The following THSD4 variants were observed in gnomAD, a reference collection of about 807,000 sequenced individuals.
THSD4 encodes thrombospondin type-1 domain-containing protein 4.
A neutral mutation model predicts 119.0 loss-of-function variants in THSD4; 69 were observed. The ratio of observed to expected loss-of-function variants is 0.58; its 90% CI spans 0.48 to 0.71. The LOEUF (loss-of-function observed/expected upper bound fraction) is 0.71. Among genes scored for constraint, THSD4 ranks in the 30% least tolerant of loss-of-function variants. THSD4 has a pLI of 0.00. For synonymous variants in THSD4, 524 were observed against 540.4 expected (o/e 0.97, Z 0.42); for missense variants, 1,393 against 1,391.1 (o/e 1.00, Z -0.02).
At chr15:71,291,869 C>T (rs1596318102) in intron 6 of THSD4, among the ~76,000 whole-genome samples, 1 of 152,136 alleles carries the variant, frequency 6.6e-6, no homozygotes, top group African/African-American at 2.4e-5. Flanking sequence ...TTCCACCCTC[C>T]TACTCCAGTC....
At position 71,757,993 on chromosome 15, in the gene THSD4, A is replaced by G; in HGVS notation, c.2507A>G (p.Asn836Ser). ...AGCCTGCCCCTGGAGGGCTGTGGGA[A>G]CAACCGGCCGGCAGAGGCCACCCCA... is the stretch of plus-strand genomic sequence containing the variant. ...VSSLPLEGCG[N>S]NRPAEATPCD... Residue 836 changes from asparagine to serine, a missense_variant, in exon 15 of 18, where the codon AAC becomes AGC. Coordinates refer to ENST00000261862, the MANE Select transcript of THSD4 (RefSeq NM_024817.3). 6.2e-7 allele frequency: 1 copy of G among 1,614,060 alleles called. No individual in the cohort carries two copies. Among genetic ancestry groups the G allele is most frequent in the South Asian group, 1.1e-5 (1 of 91,048 alleles).
intron 6 of THSD4, among the ~76,000 whole-genome samples, chr15:71,369,292 G>A (rs1244296156): frequency 6.6e-6 from 1 of 152,064 alleles, no homozygotes; most frequent in African/African-American, 2.4e-5. Flanking sequence ...CTGCCTGATT[G>A]CCCTGGCCAG....
chr15:71,632,089 G>C (rs549178937), intron 7 of THSD4, among the ~76,000 whole-genome samples: 1 of 152,346 alleles, frequency 6.6e-6, no homozygotes, highest in South Asian at 2.1e-4. Flanking sequence ...GGCAGAAAAA[G>C]TGAATGAGAT....
At chr15:71,147,553 G>C (rs2040674913) in intron 2 of THSD4, 1 of 152,052 alleles carries the variant, frequency 6.6e-6, no homozygotes, top group African/African-American at 2.4e-5. Flanking sequence ...TATTAGTCTT[G>C]AGGATGGGTC....
chr15:71,780,967 A>G lies in THSD4; in HGVS notation c.*3593A>G, dbSNP rs1193181886. 1 of 351,544 alleles carries G rather than the reference A, an allele frequency of 2.8e-6. No individual in the cohort carries two copies. The highest frequency in any genetic ancestry group is 3.7e-5 in the Admixed American group (1 of 26,818). 21.8% of individuals were successfully genotyped at this position (351,544 alleles called of 1,614,324 possible). On this transcript the variant is annotated 3_prime_UTR_variant, in exon 18 of 18. Coordinates refer to ENST00000261862, the MANE Select transcript of THSD4 (RefSeq NM_024817.3). Reference sequence around the variant, plus strand: ...TTGTGGGTTTTCTTTTCATTCGGATAGCCACTTTATAGTTGGAATATCAAT... The same window carrying G: ...TTGTGGGTTTTCTTTTCATTCGGATGGCCACTTTATAGTTGGAATATCAAT...
chr15:71,618,699 G>C (rs1008288740), intron 7 of THSD4, among the ~76,000 whole-genome samples: 3 of 150,780 alleles, frequency 2.0e-5, no homozygotes, highest in African/African-American at 7.3e-5. Context: ...GCAGCCTCCT[G>C]AGTAGCTGGG....
intron 7 of THSD4, among the ~76,000 whole-genome samples, chr15:71,437,182 T>G (rs2047024230): frequency 6.6e-6 from 1 of 152,154 alleles, no homozygotes; most frequent in Admixed American, 6.5e-5. Flanking sequence ...GGGGAGACTC[T>G]TTTAAGCAAT....
chr15:71,758,466 C>A (rs755299668), intron 15 of THSD4, among the ~76,000 whole-genome samples: 25 of 152,184 alleles, frequency 1.6e-4, no homozygotes, highest in Non-Finnish European at 3.5e-4. Flanking sequence ...TAAATGGTGG[C>A]TGCTGCTATT....
chr15:71,277,068 C>G (rs1163750215), intron 6 of THSD4, among the ~76,000 whole-genome samples: 1 of 151,296 alleles, frequency 6.6e-6, no homozygotes, highest in Non-Finnish European at 1.5e-5. Context: ...GAGGCCGTAT[C>G]CACTGCAGAA....
rs528387349 is a variant in THSD4 at position 71,580,801 on chromosome 15, G to A, written c.1153-79729G>A. 7.9e-5 allele frequency among the ~76,000 whole-genome samples: 12 copies of A among 152,162 alleles called. 1 individual carries two copies. The highest frequency in any genetic ancestry group is 2.9e-4 in the African/African-American group (12 of 41,526). On this transcript the variant is annotated intron_variant, in intron 7 of 17. Transcript: ENST00000261862. The stretch of plus-strand genomic sequence containing the variant: ...CATAATGTACTCCAGGTTCATTCAT[G>A]TTATTGCAAATGGCAGGATTTTCTT...
intron 7 of THSD4, among the ~76,000 whole-genome samples, chr15:71,638,012 C>T (rs1266757886): frequency 2.6e-5 from 4 of 152,178 alleles, no homozygotes; most frequent in Admixed American, 1.3e-4. Context: ...CAGGTGTGAG[C>T]CGCTGTGCCC....
In THSD4 at chr15:71,609,768, C is replaced by T. The variant is rs367915286; in HGVS notation, c.1153-50762C>T. On this transcript the variant is annotated intron_variant, in intron 7 of 17. Transcript: ENST00000261862. ...TCGGGAGGCTGAGGCAGGAGAATGG[C>T]GTGAACCCAGGAGGCAGAGCTTGCA... Among the ~76,000 whole-genome samples the T allele has an allele frequency of 1.8e-3, 268 of 148,280 alleles. 3 individuals are homozygous for T. The highest frequency in any genetic ancestry group is 6.0e-3 in the African/African-American group (243 of 40,440).
intron 4 of THSD4, among the ~76,000 whole-genome samples, chr15:71,236,610 C>A (rs2044107706): frequency 6.6e-6 from 1 of 152,306 alleles, no homozygotes; most frequent in Non-Finnish European, 1.5e-5. Flanking sequence ...GGAGATTTTT[C>A]TCCCTTTGGC....
rs550194822 is a variant in THSD4, at chr15:71,181,086, C to T, written c.99+26154C>T. Among the ~76,000 whole-genome samples the T allele has an allele frequency of 2.6e-4, 40 of 152,244 alleles. No homozygotes were observed. The South Asian group carries it at 4.4e-3, about 17-fold the overall frequency. On this transcript the variant is annotated intron_variant, in intron 3 of 17. Transcript: ENST00000261862. ...ATGCTCTTTAAAGAATAGCACAGGG[C>T]GTGCACTCATTTGAGGGTGTCCAGC...
At chr15:71,357,508 T>G (rs1002281807) in intron 6 of THSD4, among the ~76,000 whole-genome samples, 1 of 152,166 alleles carries the variant, frequency 6.6e-6, no homozygotes, top group African/African-American at 2.4e-5. Context: ...CCAAGAGCCA[T>G]GGGTGCGGCT....
At chr15:71,637,471 G>A (rs766771304) in intron 7 of THSD4, among the ~76,000 whole-genome samples, 2 of 152,174 alleles carry the variant, frequency 1.3e-5, no homozygotes, top group South Asian at 4.1e-4. Flanking sequence ...TAGCTCAAGA[G>A]ATGAGGGATG....
At chr15:71,473,571 T>A (rs1362624319) in intron 7 of THSD4, among the ~76,000 whole-genome samples, 1 of 152,138 alleles carries the variant, frequency 6.6e-6, no homozygotes, top group Admixed American at 6.5e-5. Flanking sequence ...CCTAACATGC[T>A]CATATCATTG....
At chr15:71,698,576 A>T (rs2052214228) in intron 8 of THSD4, among the ~76,000 whole-genome samples, 1 of 151,150 alleles carries the variant, frequency 6.6e-6, no homozygotes, top group African/African-American at 2.4e-5. Flanking sequence ...CAAAACATGG[A>T]AGCAACCTAA....
chr15:71,691,931 C>T (rs747535870), intron 8 of THSD4, among the ~76,000 whole-genome samples: 4 of 152,156 alleles, frequency 2.6e-5, no homozygotes, highest in Non-Finnish European at 5.9e-5. Context: ...AAGATCAAGC[C>T]GTCCAGGTGG....
Sources: gnomAD v4.1 joint callset for allele counts (sites outside exome capture counted in the v4.1 genomes callset) on GRCh38, gnomAD v4.1.1 for gene constraint, MANE v1.5 for transcripts, NCBI Gene and HGNC (gene_info 2026-07-23, HGNC 2026-07-21) for gene names.